CHD6: variants seen among roughly 807,000 people sequenced by gnomAD.
CHD6 encodes chromodomain helicase DNA binding protein 6.
CHD6 carries 50 observed loss-of-function variants against 276.9 expected under a neutral mutation model. The observed-to-expected ratio is 0.18, with a 90% CI of 0.14 to 0.23. The LOEUF (loss-of-function observed/expected upper bound fraction) is 0.23. CHD6 is among the 10% of genes least tolerant of loss of function. The pLI, the probability that CHD6 is intolerant of heterozygous loss-of-function variation, is 1.00. For missense variants in CHD6, 2,564 were observed against 3,365.8 expected, an observed-to-expected ratio of 0.76 and a Z score of 5.89; for synonymous variants, 1,173 against 1,229.3, an observed-to-expected ratio of 0.95 and a Z score of 0.96.
intron 1 of CHD6, among the ~76,000 whole-genome samples, chr20:41,555,952 CCTGGGCACCA>C (rs983381589): frequency 1.3e-5 from 2 of 151,588 alleles, no homozygotes; most frequent in African/African-American, 4.8e-5. Context: ...TGCACTCCAG[CCTGGGCACCA>C]TTGAGCACTG....
chr20:41,592,376 C>T (rs577321454), intron 1 of CHD6, among the ~76,000 whole-genome samples: 2 of 152,188 alleles, frequency 1.3e-5, no homozygotes, highest in South Asian at 4.2e-4. Flanking sequence ...AAAGTTAACA[C>T]ATTTAATTTG....
At chr20:41,577,180 TC>T (rs2045483507) in intron 1 of CHD6, among the ~76,000 whole-genome samples, 1 of 152,214 alleles carries the variant, frequency 6.6e-6, no homozygotes, top group African/African-American at 2.4e-5. Flanking sequence ...CTATAGTATC[TC>T]CTGGCTTGGT....
chr20:41,536,546 C>T (rs2044834670), intron 2 of CHD6, among the ~76,000 whole-genome samples: 2 of 152,128 alleles, frequency 1.3e-5, no homozygotes, highest in Non-Finnish European at 2.9e-5. Flanking sequence ...ACTTGAAAGT[C>T]AAAATAGATT....
Position 41,452,792 on chromosome 20 carries a change from G to T in CHD6, c.3271C>A (p.Arg1091Ser), listed in dbSNP as rs774385291. The T allele has an allele frequency of 3.1e-6, 5 of 1,613,176 alleles. No individual in the cohort carries two copies. The highest frequency in any genetic ancestry group is 4.2e-6 in the Non-Finnish European group (5 of 1,179,860). Residue 1091 changes from arginine (R) to serine (S), a missense_variant, in exon 21 of 37, where the codon CGC (arginine) becomes AGC (serine). Arg to Ser is a moderately radical substitution (Grantham distance 110). Coordinates refer to ENST00000373233, the MANE Select transcript of CHD6 (RefSeq NM_032221.5). This position sits in a 1 kb window ranked among gnomAD's most constrained non-coding sequence, Gnocchi z 4.2. The stretch of plus-strand genomic sequence containing the variant: ...CGGAAGCACTCCGCTCGGAGGTAGC[G>T]CCTGGCTTTGTCATTGAGGCGCCTG... ...RSRRLNDKAR[R>S]YLRAECFRVE...
intron 25 of CHD6, among the ~76,000 whole-genome samples, chr20:41,444,198 T>C (rs886421379): frequency 6.6e-6 from 1 of 152,218 alleles, no homozygotes; most frequent in Non-Finnish European, 1.5e-5. Flanking sequence ...TGGGTTGCAC[T>C]GCGGTACCTT....
At chr20:41,429,996 T>C (rs1451686345) in intron 27 of CHD6, among the ~76,000 whole-genome samples, 1 of 152,236 alleles carries the variant, frequency 6.6e-6, no homozygotes, top group Admixed American at 6.5e-5. Context: ...ATACAATGCT[T>C]TGGGCTTCTT....
intron 30 of CHD6, 61 bp from the exon 31 acceptor site, chr20:41,422,140 C>G: frequency 6.6e-7 from 1 of 1,511,590 alleles, no homozygotes; most frequent in Non-Finnish European, 8.9e-7. Context: ...CCCCGCCCAC[C>G]TGAGCCCCTG....
intron 14 of CHD6, chr20:41,486,158 A>G (rs2043409104): frequency 6.6e-6 from 1 of 152,182 alleles, no homozygotes; most frequent in Non-Finnish European, 1.5e-5. Context: ...AGACACAGCT[A>G]GCTGATTGTT....
chr20:41,574,449 T>C (rs1405921153), intron 1 of CHD6, among the ~76,000 whole-genome samples: 1 of 152,174 alleles, frequency 6.6e-6, no homozygotes, highest in Admixed American at 6.5e-5. Context: ...TTCTGCTCTC[T>C]CCTGAACCTT....
chr20:41,405,173 G>A lies in CHD6; in HGVS notation c.7568C>T (p.Pro2523Leu). Residue 2523 changes from proline (P) to leucine (L), a missense_variant, in exon 37 of 37, where the codon CCA becomes CTA. Pro to Leu is a moderately conservative substitution (Grantham distance 98, BLOSUM62 -3). Coordinates refer to ENST00000373233, the MANE Select transcript of CHD6 (RefSeq NM_032221.5). The part of the protein sequence containing the change: ...STLSMLPMML[P>L]GMAAVPQMFG... ...CATCTGGGGCACAGCAGCCATGCCT[G>A]GCAGCATCATGGGCAGCATGCTCAG... The A allele has an allele frequency of 6.2e-7, 1 of 1,614,192 alleles. No homozygotes were observed. Among genetic ancestry groups the A allele is most frequent in the Non-Finnish European group, 8.5e-7 (1 of 1,180,026 alleles).
At chr20:41,506,613 T>C (rs2043982701) in intron 5 of CHD6, among the ~76,000 whole-genome samples, 1 of 152,218 alleles carries the variant, frequency 6.6e-6, no homozygotes, top group African/African-American at 2.4e-5. Context: ...CTTACTGCCA[T>C]TGATGTACTA....
intron 3 of CHD6, among the ~76,000 whole-genome samples, chr20:41,515,179 A>G (rs1355746330): frequency 6.6e-6 from 1 of 152,186 alleles, no homozygotes; most frequent in Non-Finnish European, 1.5e-5. Context: ...TATAGCTACA[A>G]TTAATATGTA....
intron 36 of CHD6, among the ~76,000 whole-genome samples, chr20:41,411,256 CT>C (rs2046833822): frequency 1.3e-5 from 2 of 152,032 alleles, no homozygotes; most frequent in Non-Finnish European, 2.9e-5. Flanking sequence ...ATGCCAAACT[CT>C]TTCTGCGAGA....
intron 11 of CHD6, 139 bp downstream of exon 11, chr20:41,491,559 A>T: frequency 1.2e-6 from 1 of 845,958 alleles, no homozygotes; most frequent in Non-Finnish European, 1.9e-6. Context: ...TTGGATGATT[A>T]ATGTGCAAAG....
intron 35 of CHD6, 34 bp downstream of exon 35, chr20:41,413,290 A>G: frequency 6.7e-7 from 1 of 1,489,632 alleles, no homozygotes; most frequent in Non-Finnish European, 9.0e-7. Context: ...CAGGAAGTAA[A>G]CAGTGATCTC....
intron 1 of CHD6, among the ~76,000 whole-genome samples, chr20:41,604,290 AAAC>A (rs1442266106): frequency 3.3e-5 from 5 of 152,206 alleles, no homozygotes; most frequent in East Asian, 1.9e-4. Flanking sequence ...TCAAAAGTTG[AAAC>A]AACAAGAAAG....
At chr20:41,412,723 T>C (rs1600795046) in intron 35 of CHD6, among the ~76,000 whole-genome samples, 2 of 152,100 alleles carry the variant, frequency 1.3e-5, no homozygotes, top group South Asian at 2.1e-4. Context: ...AGTGGTGGGG[T>C]AGATGAGCAA....
chr20:41,595,696 AC>A (rs1407633968), intron 1 of CHD6, among the ~76,000 whole-genome samples: 1 of 152,176 alleles, frequency 6.6e-6, no homozygotes, highest in Non-Finnish European at 1.5e-5. Context: ...ATGTTAAAAT[AC>A]TGTAAGGGTA....
chr20:41,524,366 C>T (rs911791129), intron 3 of CHD6, among the ~76,000 whole-genome samples: 1 of 152,086 alleles, frequency 6.6e-6, no homozygotes, highest in Non-Finnish European at 1.5e-5. Context: ...ACTAAATCTG[C>T]CCTGTCAGTC....
Sources: gnomAD v4.1 joint callset for allele counts (sites outside exome capture counted in the v4.1 genomes callset) on GRCh38, gnomAD v4.1.1 for gene constraint, Gnocchi (gnomAD v3.1) non-coding constraint, MANE v1.5 for transcripts, NCBI Gene and HGNC (gene_info 2026-07-23, HGNC 2026-07-21) for gene names.